Variants in XPO6 observed in about 807,000 individuals in gnomAD.
XPO6 encodes exportin-6.
Under a neutral mutation model 130.0 loss-of-function variants are expected in XPO6, and 3 were observed. The ratio of observed to expected loss-of-function variants is 0.02; its 90% CI spans 0.01 to 0.06. XPO6 has a LOEUF of 0.06. XPO6 is among the 10% of genes least tolerant of loss of function. The pLI is 1.00. For synonymous variants in XPO6, 524 were observed against 548.9 expected (o/e 0.95, Z 0.63); for missense variants, 970 against 1,393.0 (o/e 0.70, Z 4.83).
chr16:28,101,700 G>A lies in XPO6; in HGVS notation c.3046-12C>T, dbSNP rs1394904883. On this transcript the variant is annotated splice_polypyrimidine_tract_variant and intron_variant, in intron 22 of 23. Transcript: ENST00000304658. The surrounding 1 kb of genome is among the most constrained non-coding windows in gnomAD (Gnocchi z 5.4). ...GTCCGGAAGATCTTCTGCAGGCAGA[G>A]AGACCAGGTGAGCAGCAGCCAGCCC... is the stretch of plus-strand genomic sequence containing the variant. The A allele has an allele frequency of 6.9e-6, 11 of 1,601,450 alleles. No homozygotes were observed. Among genetic ancestry groups the A allele is most frequent in the South Asian group, 4.4e-5 (4 of 89,916 alleles).
At chr16:28,164,475 T>A (rs2043325604) in intron 6 of XPO6, among the ~76,000 whole-genome samples, 1 of 151,562 alleles carries the variant, frequency 6.6e-6, no homozygotes, top group African/African-American at 2.4e-5. Flanking sequence ...GAACATGCAA[T>A]TTTTTTTTAA....
intron 21 of XPO6, 89 bp from the exon 22 acceptor site, chr16:28,102,034 A>C: frequency 9.1e-7 from 1 of 1,096,642 alleles, no homozygotes; most frequent in East Asian, 2.4e-5. Flanking sequence ...TGCCAGGGCC[A>C]GGGTACCCAT....
chr16:28,180,017 C>T (rs942497777), intron 2 of XPO6, among the ~76,000 whole-genome samples: 1 of 152,172 alleles, frequency 6.6e-6, no homozygotes, highest in Non-Finnish European at 1.5e-5. Context: ...GAATCAAAAG[C>T]ATTTCAATTA....
chr16:28,153,886 T>C, intron 7 of XPO6: 1 of 985,388 alleles, frequency 1.0e-6, no homozygotes, highest in South Asian at 4.7e-5. Flanking sequence ...GGAAATAAAA[T>C]GTCCCATGTT....
intron 15 of XPO6, among the ~76,000 whole-genome samples, chr16:28,114,455 T>C (rs1478796446): frequency 6.6e-6 from 1 of 152,252 alleles, no homozygotes; most frequent in Non-Finnish European, 1.5e-5. Context: ...ACTAATTTTT[T>C]TGTTTCCCAA....
At chr16:28,164,720 A>G (rs1211995956) in intron 6 of XPO6, among the ~76,000 whole-genome samples, 2 of 152,358 alleles carry the variant, frequency 1.3e-5, no homozygotes, top group South Asian at 2.1e-4. Context: ...AAGTAAGCAC[A>G]TATCTCTGGT....
Position 28,101,878 on chromosome 16 carries a change from G to A in XPO6, c.3014C>T (p.Thr1005Ile), listed in dbSNP as rs1275263552. 6.2e-7 allele frequency: 1 copy of A among 1,614,124 alleles called. No individual in the cohort carries two copies. The change falls in exon 22 of 24, where the codon ACT becomes ATT. Residue 1005 changes from threonine to isoleucine, a missense_variant. Transcript: ENST00000304658. The surrounding 1 kb of genome is among the most constrained non-coding windows in gnomAD (Gnocchi z 5.4). Reference sequence around the variant, plus strand: ...GTACAGCTTCTGCTTGGTGTTGAGAGTCTCCAAGTAGAAGAGATTTTGTTT... The same window carrying A: ...GTACAGCTTCTGCTTGGTGTTGAGAATCTCCAAGTAGAAGAGATTTTGTTT... ...LFKQNLFYLE[T>I]LNTKQKLYHK...
intron 5 of XPO6, among the ~76,000 whole-genome samples, chr16:28,167,825 A>C (rs1336243285): frequency 6.6e-6 from 1 of 152,208 alleles, no homozygotes; most frequent in Non-Finnish European, 1.5e-5. Flanking sequence ...CCAGACACAA[A>C]AGATCACATA....
At chr16:28,119,563 C>A (rs1371493210) in intron 14 of XPO6, among the ~76,000 whole-genome samples, 4 of 152,088 alleles carry the variant, frequency 2.6e-5, no homozygotes, top group African/African-American at 4.8e-5. Flanking sequence ...CACACACGCA[C>A]ATGCAGACAT....
At chr16:28,188,101 T>C (rs1339317892) in intron 1 of XPO6, among the ~76,000 whole-genome samples, 1 of 152,200 alleles carries the variant, frequency 6.6e-6, no homozygotes, top group African/African-American at 2.4e-5. Context: ...GAATAATGAC[T>C]ATTTTTTAAA....
chr16:28,182,356 T>C (rs769247310), intron 1 of XPO6, among the ~76,000 whole-genome samples: 18 of 152,124 alleles, frequency 1.2e-4, no homozygotes, highest in Non-Finnish European at 2.2e-4. Flanking sequence ...AGAGGCTGAA[T>C]CAGACTTGAT....
intron 8 of XPO6, among the ~76,000 whole-genome samples, chr16:28,152,074 A>ATGTGTGTGTGTG (rs71389527): frequency 4.0e-4 from 61 of 151,238 alleles, no homozygotes; most frequent in African/African-American, 1.4e-3. Context: ...TATATTTTTT[A>ATGTGTGTGTGTG]TGTGTGTGTG....
At chr16:28,155,703 T>A in intron 7 of XPO6, 1 of 182,516 alleles carries the variant, frequency 5.5e-6, no homozygotes, top group Non-Finnish European at 1.1e-5. Flanking sequence ...CTCCTGTACC[T>A]CCACGGACCT....
chr16:28,181,511 G>T lies in XPO6; in HGVS notation c.4-480C>A, dbSNP rs1033531723. Among the ~76,000 whole-genome samples the T allele has an allele frequency of 5.9e-4, 71 of 121,172 alleles. No individual in the cohort carries two copies. In the Middle Eastern group the frequency reaches 0.014, roughly 23 times the overall value. The allele number at this position is 121,172 out of a possible 152,430, so 79.5% of individuals were successfully genotyped here. A position where few individuals can be genotyped will look rare whatever the true frequency, so the allele number is the denominator to read the frequency against. On this transcript the variant is annotated intron_variant, in intron 1 of 23. Transcript: ENST00000304658. Reference sequence around the variant, plus strand: ...CTCAGGGGTTTGGGGGGTAACCAGGGAGAGTGGTTTTTTTTTTTTTAAGAG... The same window carrying T: ...CTCAGGGGTTTGGGGGGTAACCAGGTAGAGTGGTTTTTTTTTTTTTAAGAG...
intron 14 of XPO6, among the ~76,000 whole-genome samples, chr16:28,120,388 GA>G (rs1417302428): frequency 1.3e-5 from 2 of 152,144 alleles, no homozygotes; most frequent in South Asian, 2.1e-4. Flanking sequence ...TATAGTTACT[GA>G]AAGTTTGAAA....
intron 21 of XPO6, 161 bp from the exon 22 acceptor site, chr16:28,102,106 T>A: frequency 1.7e-6 from 1 of 586,454 alleles, no homozygotes; most frequent in East Asian, 2.9e-5. Flanking sequence ...AGTCTCAGAG[T>A]TCATGTTTTC....
At chr16:28,126,958 T>C (rs1012429730) in intron 12 of XPO6, among the ~76,000 whole-genome samples, 3 of 152,046 alleles carry the variant, frequency 2.0e-5, no homozygotes, top group African/African-American at 7.2e-5. Context: ...CTCACACTGG[T>C]CATCACCAAC....
chr16:28,107,596 T>C lies in XPO6; in HGVS notation c.2423A>G (p.Gln808Arg). 6.2e-7 allele frequency: 1 copy of C among 1,614,214 alleles called. No homozygotes were observed. Among genetic ancestry groups the C allele is most frequent in the African/African-American group, 1.3e-5 (1 of 75,064 alleles). The change falls in exon 18 of 24, where the codon CAG (glutamine) becomes CGG (arginine). Residue 808 changes from glutamine (Q) to arginine (R), a missense_variant. By Grantham distance (43) the Gln-to-Arg change is conservative. Coordinates refer to ENST00000304658, the MANE Select transcript of XPO6 (RefSeq NM_015171.4). The stretch of plus-strand genomic sequence containing the variant: ...TTCCTGCAGCGACTGGTAGCAAATC[T>C]GTCGAGACTTGGTGGACTCCCCCGA... ...NISGESTKSRQICYQSLQESV... is the reference protein window; with the variant it reads ...NISGESTKSRRICYQSLQESV...
rs1310496905 is a variant in XPO6 at position 28,177,262 on chromosome 16, A to G, written c.165T>C (p.Thr55=). 4 of 1,612,576 alleles carry G rather than the reference A, an allele frequency of 2.5e-6. No homozygotes were observed. Among genetic ancestry groups the G allele is most frequent in the East Asian group, 2.2e-5 (1 of 44,848 alleles). The part of the protein sequence containing the change: ...WRFCLYFLSS[T]RNDYVMMYSL... Reference sequence around the variant, plus strand: ...TGTACATCATTACATAGTCATTCCTAGTGCTGGAGAGAAAGTACAGGCAGA... The same window carrying G: ...TGTACATCATTACATAGTCATTCCTGGTGCTGGAGAGAAAGTACAGGCAGA... Residue 55 remains threonine (T), a synonymous_variant, in exon 3 of 24, where the codon ACT becomes ACC. Coordinates refer to ENST00000304658, the MANE Select transcript of XPO6 (RefSeq NM_015171.4).
Sources: gnomAD v4.1 joint callset for allele counts (sites outside exome capture counted in the v4.1 genomes callset) on GRCh38, gnomAD v4.1.1 for gene constraint, Gnocchi (gnomAD v3.1) non-coding constraint, MANE v1.5 for transcripts, NCBI Gene and HGNC (gene_info 2026-07-23, HGNC 2026-07-21) for gene names.